The following SNX18 variants were observed in gnomAD, a reference collection of about 807,000 sequenced individuals.
SNX18 encodes sorting nexin 18.
In SNX18, 35 loss-of-function variants were observed where a neutral mutation model predicts 48.7. That is an observed-to-expected ratio of 0.72 (90% CI 0.55 to 0.95). The LOEUF (loss-of-function observed/expected upper bound fraction) is 0.95. SNX18 is among the 40% of genes least tolerant of loss of function. The probability of loss-of-function intolerance (pLI) is 0.00; values close to 1 mark genes in which losing one functional copy is unlikely to be tolerated. For missense variants in SNX18, 824 were observed against 871.0 expected (o/e 0.95, Z 0.68); for synonymous variants, 492 against 384.7 (o/e 1.28, Z -3.26).
At chr5:54,592,678 C>T in the SNX18 span, among the ~76,000 whole-genome samples, 1 of 152,150 alleles carries the variant, frequency 6.6e-6, no homozygotes, top group Non-Finnish European at 1.5e-5. Context: ...TGAGCTTTGC[C>T]TTTGGATAAA....
At chr5:54,570,677 T>A in the SNX18 span, among the ~76,000 whole-genome samples, 1 of 152,206 alleles carries the variant, frequency 6.6e-6, no homozygotes, top group Non-Finnish European at 1.5e-5. Context: ...TCAAGTAACT[T>A]GTCACCACCA....
the SNX18 span, among the ~76,000 whole-genome samples, chr5:54,567,681 C>T: frequency 6.6e-6 from 1 of 152,224 alleles, no homozygotes; most frequent in African/African-American, 2.4e-5. Context: ...ACCCAAGTGT[C>T]TGCTGATGAG....
At chr5:54,595,363 G>A in the SNX18 span, among the ~76,000 whole-genome samples, 1 of 152,108 alleles carries the variant, frequency 6.6e-6, no homozygotes, top group East Asian at 1.9e-4. Flanking sequence ...AGCCTCCTGA[G>A]CAGCTGGGAC....
the SNX18 span, among the ~76,000 whole-genome samples, chr5:54,587,537 C>T: frequency 6.6e-6 from 1 of 152,134 alleles, no homozygotes; most frequent in Non-Finnish European, 1.5e-5. Context: ...GCAAAAAACT[C>T]CTTAATGTCC....
chr5:54,636,758 AAC>A, the SNX18 span, among the ~76,000 whole-genome samples: 3 of 152,250 alleles, frequency 2.0e-5, no homozygotes, highest in African/African-American at 7.2e-5. Context: ...ACATGCATAT[AAC>A]ACTTGAAAGA....
chr5:54,572,744 G>GTATA, the SNX18 span, among the ~76,000 whole-genome samples: 1 of 42,466 alleles, frequency 2.4e-5, no homozygotes, highest in African/African-American at 8.5e-5. Flanking sequence ...GTGTGTGTGT[G>GTATA]TGTGTGTGTG....
At chr5:54,637,585 C>G in the SNX18 span, among the ~76,000 whole-genome samples, 1 of 152,070 alleles carries the variant, frequency 6.6e-6, no homozygotes, top group East Asian at 1.9e-4. Context: ...ATAGTACATA[C>G]TAGGTAACAG....
At chr5:54,555,150 G>A in the SNX18 span, among the ~76,000 whole-genome samples, 5 of 152,158 alleles carry the variant, frequency 3.3e-5, no homozygotes, top group Admixed American at 6.5e-5. Flanking sequence ...CCTCCTTTGG[G>A]ACGGGGTTCA....
rs1292213320 is a variant in SNX18 at position 54,545,105 on chromosome 5, T to C, written c.*1673T>C. The C allele has an allele frequency of 2.6e-5, 4 of 152,186 alleles. No individual in the cohort carries two copies. The highest frequency in any genetic ancestry group is 5.9e-5 in the Non-Finnish European group (4 of 68,018). The allele number at this position is 152,186 out of a possible 1,614,324, so 9.4% of individuals were successfully genotyped here. ...TTAAGATCAGATTATCATTTTGATATTTGGTCAAAATTTTGTACCTTAGGT... is the reference window on the plus strand; with the variant it reads ...TTAAGATCAGATTATCATTTTGATACTTGGTCAAAATTTTGTACCTTAGGT... On this transcript the variant is annotated 3_prime_UTR_variant, in exon 2 of 2. Transcript: ENST00000381410.
At chr5:54,604,765 C>T in the SNX18 span, among the ~76,000 whole-genome samples, 195 of 152,184 alleles carry the variant, frequency 1.3e-3, 1 homozygote, top group African/African-American at 4.5e-3. Flanking sequence ...GTTAAAATGG[C>T]AAAATTTGTG....
chr5:54,644,205 G>A, the SNX18 span: 2 of 152,268 alleles, frequency 1.3e-5, no homozygotes, highest in Non-Finnish European at 2.9e-5. Context: ...GACAATTAAT[G>A]TTATTCCAAA....
chr5:54,530,698 A>G (rs1762237976), intron 1 of SNX18, among the ~76,000 whole-genome samples: 1 of 149,008 alleles, frequency 6.7e-6, no homozygotes, highest in Admixed American at 6.7e-5. Context: ...GCTGAGGTAA[A>G]TACTCTTCTT....
At chr5:54,537,000 A>ATG (rs1377559697) in intron 1 of SNX18, among the ~76,000 whole-genome samples, 2 of 152,080 alleles carry the variant, frequency 1.3e-5, no homozygotes, top group Non-Finnish European at 2.9e-5. Context: ...ACATTTCTTC[A>ATG]TGTGTCTGTC....
At chr5:54,644,447 A>G in the SNX18 span, 1 of 152,228 alleles carries the variant, frequency 6.6e-6, no homozygotes, top group Non-Finnish European at 1.5e-5. Context: ...GTGATCCACA[A>G]CAATCTCATC....
chr5:54,572,350 A>G, the SNX18 span, among the ~76,000 whole-genome samples: 1 of 152,284 alleles, frequency 6.6e-6, no homozygotes, highest in African/African-American at 2.4e-5. Flanking sequence ...ACAAGCATGA[A>G]TAAAGAGCTG....
chr5:54,520,243 G>C (rs1165156301), intron 1 of SNX18: 1 of 189,618 alleles, frequency 5.3e-6, no homozygotes, highest in Non-Finnish European at 1.2e-5. Flanking sequence ...AATATAATCT[G>C]AGTATTGGAT....
At chr5:54,586,659 C>T in the SNX18 span, among the ~76,000 whole-genome samples, 21 of 152,300 alleles carry the variant, frequency 1.4e-4, no homozygotes, top group Admixed American at 4.6e-4. Context: ...TTCATGAGCG[C>T]GGAGCCCTTA....
At chr5:54,564,550 C>T in the SNX18 span, among the ~76,000 whole-genome samples, 5 of 152,202 alleles carry the variant, frequency 3.3e-5, no homozygotes, top group South Asian at 1.0e-3. Flanking sequence ...ATAGGTCTCA[C>T]TGGGCTAAAA....
At chr5:54,567,213 ATGTG>A in the SNX18 span, among the ~76,000 whole-genome samples, 1 of 150,226 alleles carries the variant, frequency 6.7e-6, no homozygotes, top group South Asian at 2.1e-4. Context: ...GTGTGTGTGT[ATGTG>A]TGTGTGTGTG....
Sources: allele counts gnomAD v4.1 joint callset (sites outside exome capture counted in the v4.1 genomes callset), GRCh38; gene constraint gnomAD v4.1.1; transcripts MANE v1.5; gene names NCBI Gene and HGNC (gene_info 2026-07-23, HGNC 2026-07-21).